The following CLDN14 variants were observed in gnomAD, a reference collection of about 807,000 sequenced individuals.
The protein encoded by CLDN14 is claudin-14.
CLDN14 carries 2 observed loss-of-function variants against 2.1 expected under a neutral mutation model. The ratio of observed to expected loss-of-function variants is 0.96; its 90% CI spans 0.39 to 3.01. The LOEUF (loss-of-function observed/expected upper bound fraction) is 3.01. Ranked by LOEUF, CLDN14 falls within the 30% of genes most tolerant of loss-of-function variation. The pLI, the probability that CLDN14 is intolerant of heterozygous loss-of-function variation, is 0.09. For synonymous variants in CLDN14, 136 were observed against 154.4 expected (o/e 0.88, Z 0.88); for missense variants, 298 against 328.0 (o/e 0.91, Z 0.71).
rs140357441 is a variant in CLDN14 at position 36,498,420 on chromosome 21, A to G, written c.-82+11943T>C. Among the ~76,000 whole-genome samples the G allele has an allele frequency of 1.9e-4, 29 of 152,346 alleles. No homozygotes were observed. In the East Asian group the frequency reaches 5.0e-3, roughly 26 times the overall value. ...GAAGATCTATATGAACTTGTATTTT[A>G]CATCTCTTGTCTGGATTTAGCTGTG... is the stretch of plus-strand genomic sequence containing the variant. On this transcript the variant is annotated intron_variant, in intron 2 of 2. Coordinates refer to the CLDN14 transcript ENST00000342108. This position sits in a 1 kb window ranked among gnomAD's most constrained non-coding sequence, Gnocchi z 4.9.
chr21:36,476,453 C>A (rs1235885014), intron 1 of CLDN14, among the ~76,000 whole-genome samples: 1 of 118,608 alleles, frequency 8.4e-6, no homozygotes, highest in African/African-American at 2.9e-5. Flanking sequence ...TAATGGATGA[C>A]TATTTTTTTT....
intron 1 of CLDN14, among the ~76,000 whole-genome samples, chr21:36,539,493 T>G (rs2087463113): frequency 1.2e-5 from 1 of 82,132 alleles, no homozygotes; most frequent in Admixed American, 1.2e-4. Flanking sequence ...AATGTGTGTG[T>G]GTGCAGAGTG....
intron 1 of CLDN14, among the ~76,000 whole-genome samples, chr21:36,561,963 T>TTGTTTTGCTGCAAAAAAAATCC (rs1555855602): frequency 2.0e-5 from 3 of 150,426 alleles, no homozygotes; most frequent in African/African-American, 7.3e-5. Flanking sequence ...TTCAAGACTC[T>TTGTTTTGCTGCAAAAAAAATCC]TGTTTTGCTG....
At chr21:36,561,963 T>TGTTTTGCTGCAAAAAAATCC (rs1555855596) in intron 1 of CLDN14, among the ~76,000 whole-genome samples, 1 of 150,426 alleles carries the variant, frequency 6.6e-6, no homozygotes, top group South Asian at 2.1e-4. Flanking sequence ...TTCAAGACTC[T>TGTTTTGCTGCAAAAAAATCC]TGTTTTGCTG....
At chr21:36,503,438 C>T (rs528337472) in intron 2 of CLDN14, among the ~76,000 whole-genome samples, 1 of 152,196 alleles carries the variant, frequency 6.6e-6, no homozygotes, top group Admixed American at 6.5e-5. Context: ...GTAATTGAAT[C>T]ATGGGGCCAG....
At chr21:36,515,805 G>GAGACA (rs1491517590) in intron 1 of CLDN14, among the ~76,000 whole-genome samples, 3 of 19,442 alleles carry the variant, frequency 1.5e-4, no homozygotes, top group Non-Finnish European at 3.3e-4. Flanking sequence ...TTTTTTTTTT[G>GAGACA]AGACAGAGTC....
rs1395016125 is a variant in CLDN14 at position 36,523,777 on chromosome 21, A to AAGAAAGAGAGAGAGAGAG, written c.-219-13278_-219-13277insCTCTCTCTCTCTCTTTCT. ...AAAAAAAAAAAGAAAGAAAGAGAGA[A>AAGAAAGAGAGAGAGAGAG]AGAGAGAAAGAAAGAAAGAAAGAAA... On this transcript the variant is annotated intron_variant, in intron 1 of 2. Coordinates refer to the CLDN14 transcript ENST00000342108. Among the ~76,000 whole-genome samples, 602 of 68,900 alleles carry AAGAAAGAGAGAGAGAGAG rather than the reference A, an allele frequency of 8.7e-3. 78 individuals carry two copies. Among genetic ancestry groups the AAGAAAGAGAGAGAGAGAG allele is most frequent in the African/African-American group, 0.024 (373 of 15,490 alleles). The allele number at this position is 68,900 out of a possible 152,430, so 45.2% of individuals were successfully genotyped here. A position where few individuals can be genotyped will look rare whatever the true frequency, so the allele number is the denominator to read the frequency against.
rs2087513936 is a variant in CLDN14, at chr21:36,544,503, G to C, written c.-220+31908C>G. Among the ~76,000 whole-genome samples, 2 of 152,192 alleles carry C rather than the reference G, an allele frequency of 1.3e-5. No individual in the cohort carries two copies. Among genetic ancestry groups the C allele is most frequent in the South Asian group, 4.1e-4 (2 of 4,828 alleles). On this transcript the variant is annotated intron_variant, in intron 1 of 2. Coordinates refer to the CLDN14 transcript ENST00000342108. The surrounding 1 kb of genome is among the most constrained non-coding windows in gnomAD (Gnocchi z 4.1). ...TTTGCATAGGAGGGGATGGAGTTGG[G>C]ATTTAGGAAGGAGAGGCAAATTTGA...
At chr21:36,548,926 C>A (rs2087544268) in intron 1 of CLDN14, among the ~76,000 whole-genome samples, 1 of 152,192 alleles carries the variant, frequency 6.6e-6, no homozygotes, top group Admixed American at 6.5e-5. Flanking sequence ...CCCACCACAC[C>A]CTGGGCACAT....
chr21:36,486,496 A>C (rs776982557), intron 2 of CLDN14: 1 of 1,561,246 alleles, frequency 6.4e-7, no homozygotes. Flanking sequence ...ATTCAAAGTC[A>C]CTGGCACCGA....
Position 36,531,066 on chromosome 21 carries a change from A to G in CLDN14, c.-219-20566T>C, listed in dbSNP as rs1451933692. Among the ~76,000 whole-genome samples, 3 of 152,080 alleles carry G rather than the reference A, an allele frequency of 2.0e-5. No individual in the cohort carries two copies. The East Asian group carries it at 5.9e-4, about 30-fold the overall frequency. On this transcript the variant is annotated intron_variant, in intron 1 of 2. Transcript: ENST00000342108. Reference sequence around the variant, plus strand: ...GCCAACATGGTGAAACCCTGTCTCTACTAAAAAATACAAAAATCAGCCATG... The same window carrying G: ...GCCAACATGGTGAAACCCTGTCTCTGCTAAAAAATACAAAAATCAGCCATG...
In CLDN14 at chr21:36,572,194, G is replaced by T. The variant is rs916446841; in HGVS notation, c.-220+4217C>A. Among the ~76,000 whole-genome samples the T allele has an allele frequency of 4.6e-5, 7 of 152,146 alleles. No individual in the cohort carries two copies. The East Asian group carries it at 5.8e-4, about 13-fold the overall frequency. On this transcript the variant is annotated intron_variant, in intron 1 of 2. Transcript: ENST00000342108. ...CTTTTACTGCCTGTAGTTTGGTTTG[G>T]TTTGTTTTGTTTAGGGGTCGCTATG...
At chr21:36,489,833 G>A (rs2086943234) in intron 2 of CLDN14, among the ~76,000 whole-genome samples, 2 of 152,148 alleles carry the variant, frequency 1.3e-5, no homozygotes, top group South Asian at 2.1e-4. Flanking sequence ...GCCTCACCTG[G>A]GCCTCCCATC....
intron 1 of CLDN14, among the ~76,000 whole-genome samples, chr21:36,468,652 A>T (rs776376747): frequency 6.6e-6 from 1 of 152,182 alleles, no homozygotes; most frequent in Non-Finnish European, 1.5e-5. Context: ...TAGATAAGAC[A>T]TATTAGCAAA....
At chr21:36,565,636 C>T (rs894867966) in intron 1 of CLDN14, among the ~76,000 whole-genome samples, 3 of 152,204 alleles carry the variant, frequency 2.0e-5, no homozygotes, top group Non-Finnish European at 4.4e-5. Context: ...ACAGGGTGGG[C>T]TCCAGCCAAC....
intron 2 of CLDN14, chr21:36,486,624 A>G (rs73204269): frequency 0.15 from 229,711 of 1,520,238 alleles, 19,941 homozygotes; most frequent in African/African-American, 0.28. Flanking sequence ...TTGCCATTCA[A>G]CGTGTTTACA....
At chr21:36,488,319 T>G (rs1380175643) in intron 2 of CLDN14, among the ~76,000 whole-genome samples, 1 of 147,948 alleles carries the variant, frequency 6.8e-6, no homozygotes, top group Non-Finnish European at 1.5e-5. Context: ...GTTGCCAGGC[T>G]GGAGTGCAGT....
At chr21:36,522,506 C>T (rs1011713810) in intron 1 of CLDN14, among the ~76,000 whole-genome samples, 3 of 152,178 alleles carry the variant, frequency 2.0e-5, no homozygotes, top group East Asian at 3.9e-4. Flanking sequence ...CCTCCATCCC[C>T]ATTTGGGGCC....
intron 1 of CLDN14, among the ~76,000 whole-genome samples, chr21:36,534,385 A>T (rs1329012157): frequency 6.6e-6 from 1 of 152,246 alleles, no homozygotes; most frequent in East Asian, 1.9e-4. Flanking sequence ...ATGGAAGCCC[A>T]GGACGATCCC....
Sources: allele counts gnomAD v4.1 joint callset (sites outside exome capture counted in the v4.1 genomes callset), GRCh38; gene constraint gnomAD v4.1.1; non-coding constraint Gnocchi (gnomAD v3.1); transcripts MANE v1.5; gene names NCBI Gene and HGNC (gene_info 2026-07-23, HGNC 2026-07-21).